The following INPP5A variants were observed in gnomAD, a reference collection of about 807,000 sequenced individuals.
INPP5A encodes the protein 43 kDa inositol polyphosphate 5-phophatase.
Under a neutral mutation model 65.2 loss-of-function variants are expected in INPP5A, and 14 were observed. The observed-to-expected ratio is 0.21, with a 90% CI of 0.14 to 0.34. The LOEUF (loss-of-function observed/expected upper bound fraction) is 0.34. INPP5A is among the 10% of genes least tolerant of loss of function. The pLI, the probability that INPP5A is intolerant of heterozygous loss-of-function variation, is 1.00. For missense variants in INPP5A, 431 were observed against 545.6 expected (o/e 0.79, Z 2.09); for synonymous variants, 207 against 208.3 (o/e 0.99, Z 0.05).
chr10:132,665,521 T>C (rs1481215721), intron 4 of INPP5A, among the ~76,000 whole-genome samples: 1 of 151,934 alleles, frequency 6.6e-6, no homozygotes, highest in Non-Finnish European at 1.5e-5. Flanking sequence ...GGCAGGTGAA[T>C]TGCTTGAGCT....
At chr10:132,729,113 G>A (rs113311200) in intron 9 of INPP5A, among the ~76,000 whole-genome samples, 24 of 152,262 alleles carry the variant, frequency 1.6e-4, no homozygotes, top group African/African-American at 5.1e-4. Flanking sequence ...CCTGTGGGGC[G>A]TTGGGCAACT....
intron 11 of INPP5A, 122 bp from the exon 12 acceptor site, chr10:132,765,651 G>C: frequency 1.5e-6 from 1 of 673,520 alleles, no homozygotes; most frequent in Non-Finnish European, 2.7e-6. Context: ...TGACAGATGT[G>C]GCGGCTCTGG....
Position 132,645,908 on chromosome 10 carries a change from G to A in INPP5A, c.158G>A (p.Cys53Tyr). Residue 53 changes from cysteine (C) to tyrosine (Y), a missense_variant, in exon 3 of 16, where the codon TGT becomes TAT. Physicochemically the swap from Cys to Tyr is radical, Grantham distance 194. Coordinates refer to ENST00000368594, the MANE Select transcript of INPP5A (RefSeq NM_005539.5). ...THKPHFMALH[C>Y]QEFGGKNYEA... ...AAGCCGCACTTCATGGCCTTGCACT[G>A]TCAGGAGTTTGGAGGGAAGAACTAC... 1.2e-6 allele frequency: 2 copies of A among 1,614,118 alleles called. No individual in the cohort carries two copies. Among genetic ancestry groups the A allele is most frequent in the South Asian group, 2.2e-5 (2 of 91,060 alleles).
intron 8 of INPP5A, among the ~76,000 whole-genome samples, chr10:132,717,704 G>A (rs1387752975): frequency 6.7e-6 from 1 of 149,978 alleles, no homozygotes; most frequent in Admixed American, 6.6e-5. Flanking sequence ...GGGTTCTGTG[G>A]TGCCTGGGTT....
rs1419082703 is a variant in INPP5A at position 132,707,811 on chromosome 10, G to T, written c.475-502G>T. ...ATCGGTGGGTGAGAGGCATCGGTGG[G>T]TGAACGGCATCGGTGGGTGAGAGGC... On this transcript the variant is annotated intron_variant, in intron 6 of 15. Coordinates refer to ENST00000368594, the MANE Select transcript of INPP5A (RefSeq NM_005539.5). This position sits in a 1 kb window ranked among gnomAD's most constrained non-coding sequence, Gnocchi z 5.5. Among the ~76,000 whole-genome samples the T allele has an allele frequency of 6.6e-6, 1 of 151,864 alleles. No individual in the cohort carries two copies. The highest frequency in any genetic ancestry group is 1.5e-5 in the Non-Finnish European group (1 of 67,912).
chr10:132,561,228 AG>A (rs1268950997), intron 1 of INPP5A, among the ~76,000 whole-genome samples: 1 of 57,726 alleles, frequency 1.7e-5, no homozygotes, highest in African/African-American at 1.8e-4. Flanking sequence ...ACACCTGGCT[AG>A]TTTTTTTTAA....
At chr10:132,606,005 T>C (rs564069914) in intron 1 of INPP5A, among the ~76,000 whole-genome samples, 1 of 152,248 alleles carries the variant, frequency 6.6e-6, no homozygotes, top group South Asian at 2.1e-4. Flanking sequence ...TTAAATGAGG[T>C]CATGACCCAT....
intron 4 of INPP5A, among the ~76,000 whole-genome samples, chr10:132,682,608 G>T (rs2073061654): frequency 1.3e-5 from 2 of 152,266 alleles, no homozygotes; most frequent in African/African-American, 4.8e-5. Context: ...AACAGGAGGG[G>T]CAACGTGGTG....
intron 1 of INPP5A, among the ~76,000 whole-genome samples, chr10:132,594,351 A>G (rs558192887): frequency 1.2e-4 from 18 of 152,376 alleles, no homozygotes; most frequent in Non-Finnish European, 2.4e-4. Flanking sequence ...GTGCAGGTCT[A>G]GAACGTGTCC....
chr10:132,614,562 C>T (rs2072004182), intron 2 of INPP5A, among the ~76,000 whole-genome samples: 1 of 152,246 alleles, frequency 6.6e-6, no homozygotes, highest in Non-Finnish European at 1.5e-5. Context: ...TCCGTCCTCT[C>T]TCCTGAGAAT....
At chr10:132,686,025 G>A (rs894055576) in intron 4 of INPP5A, among the ~76,000 whole-genome samples, 4 of 152,226 alleles carry the variant, frequency 2.6e-5, no homozygotes, top group Non-Finnish European at 2.9e-5. Flanking sequence ...CGCCCTGGTC[G>A]CCAGTTGGTG....
chr10:132,702,751 T>C (rs1845456980), intron 6 of INPP5A, among the ~76,000 whole-genome samples: 1 of 152,204 alleles, frequency 6.6e-6, no homozygotes, highest in South Asian at 2.1e-4. Context: ...GCACCTCTGC[T>C]CTCTCGTTCC....
In INPP5A at chr10:132,782,023, G is replaced by A. The variant is rs200980385; in HGVS notation, c.*8-14G>A. 2.3e-4 allele frequency: 365 copies of A among 1,605,438 alleles called. No individual in the cohort carries two copies. The highest frequency in any genetic ancestry group is 2.9e-4 in the Non-Finnish European group (336 of 1,175,346). On this transcript the variant is annotated splice_polypyrimidine_tract_variant and intron_variant, in intron 15 of 15. Coordinates refer to ENST00000368594, the MANE Select transcript of INPP5A (RefSeq NM_005539.5). The surrounding 1 kb of genome is among the most constrained non-coding windows in gnomAD (Gnocchi z 4.4). ...TGCGTTTGTTCCTTTAACAAATTAC[G>A]AATTCCGTGACAGGGAAGAGATGCC...
chr10:132,611,535 G>A (rs1443678684), intron 2 of INPP5A, among the ~76,000 whole-genome samples: 4 of 139,302 alleles, frequency 2.9e-5, no homozygotes, highest in Middle Eastern at 4.7e-3. Flanking sequence ...GCGAGGCCCT[G>A]TCAGGGGAGG....
At chr10:132,668,659 G>A (rs1048964494) in intron 4 of INPP5A, among the ~76,000 whole-genome samples, 3 of 152,176 alleles carry the variant, frequency 2.0e-5, no homozygotes, top group Non-Finnish European at 1.5e-5. Context: ...AATTAAACAT[G>A]AATTTGCACA....
intron 1 of INPP5A, among the ~76,000 whole-genome samples, chr10:132,565,563 G>C (rs1407943123): frequency 2.6e-5 from 4 of 152,192 alleles, no homozygotes; most frequent in African/African-American, 4.8e-5. Flanking sequence ...ATATGTATGT[G>C]TGCGTATGTC....
chr10:132,778,747 A>G (rs1291275126), intron 13 of INPP5A, among the ~76,000 whole-genome samples: 1 of 152,058 alleles, frequency 6.6e-6, no homozygotes, highest in Non-Finnish European at 1.5e-5. Flanking sequence ...GAGCAGGGAC[A>G]GGAGCCCCCT....
rs1259958152 is a variant in INPP5A at position 132,678,359 on chromosome 10, C to G, written c.307-12033C>G. On this transcript the variant is annotated intron_variant, in intron 4 of 15. Transcript: ENST00000368594. The surrounding 1 kb of genome is among the most constrained non-coding windows in gnomAD (Gnocchi z 4.1). ...TGTTTCATTTATTATTGTTTATAAT[C>G]TAATGACTGTTATTATAACTTTGCT... Among the ~76,000 whole-genome samples the G allele has an allele frequency of 1.3e-5, 2 of 152,214 alleles. No individual in the cohort carries two copies. The highest frequency in any genetic ancestry group is 2.9e-5 in the Non-Finnish European group (2 of 68,038).
Position 132,732,682 on chromosome 10 carries a change from C to T in INPP5A, c.732+5777C>T, listed in dbSNP as rs558212474. ...AGTCACAGGACCCTGGAACCGACCA[C>T]GGGGAGGACCCTGAGGCCCAGGGCA... On this transcript the variant is annotated intron_variant, in intron 9 of 15. Transcript: ENST00000368594. 5.5e-4 allele frequency among the ~76,000 whole-genome samples: 83 copies of T among 152,292 alleles called. 1 individual carries two copies. The South Asian group carries it at 6.0e-3, about 11-fold the overall frequency.
Sources: allele counts gnomAD v4.1 joint callset (sites outside exome capture counted in the v4.1 genomes callset), GRCh38; gene constraint gnomAD v4.1.1; non-coding constraint Gnocchi (gnomAD v3.1); transcripts MANE v1.5; gene names NCBI Gene and HGNC (gene_info 2026-07-23, HGNC 2026-07-21).